ASXL3: variants seen among roughly 807,000 people sequenced by gnomAD.
ASXL3 encodes putative Polycomb group protein ASXL3.
In ASXL3, 34 loss-of-function variants were observed where a neutral mutation model predicts 170.6. The observed-to-expected ratio is 0.20, with a 90% CI of 0.15 to 0.27. The LOEUF is 0.27. Ranked by LOEUF, ASXL3 falls within the 10% of genes least tolerant of loss-of-function variation. ASXL3 has a pLI of 1.00. For synonymous variants in ASXL3, 1,002 were observed against 989.1 expected, an observed-to-expected ratio of 1.01 and a Z score of -0.24; for missense variants, 2,592 against 2,695.3, an observed-to-expected ratio of 0.96 and a Z score of 0.85.
intron 1 of ASXL3, among the ~76,000 whole-genome samples, chr18:33,584,596 T>C (rs2065020411): frequency 6.6e-6 from 1 of 152,124 alleles, no homozygotes; most frequent in Admixed American, 6.5e-5. Context: ...TTTAATTCTG[T>C]CTCATGTTCT....
intron 2 of ASXL3, among the ~76,000 whole-genome samples, chr18:33,627,787 T>C (rs2065623773): frequency 1.3e-5 from 2 of 152,298 alleles, no homozygotes; most frequent in African/African-American, 4.8e-5. Flanking sequence ...TTTAAATTTT[T>C]ACAAGGAATA....
intron 2 of ASXL3, among the ~76,000 whole-genome samples, chr18:33,613,612 A>G (rs572657421): frequency 6.6e-6 from 1 of 152,116 alleles, no homozygotes; most frequent in Non-Finnish European, 1.5e-5. Context: ...AACACTGTAC[A>G]TACCTTAATT....
At chr18:33,712,117 G>GT (rs1230377749) in intron 8 of ASXL3, among the ~76,000 whole-genome samples, 1 of 152,116 alleles carries the variant, frequency 6.6e-6, no homozygotes, top group Admixed American at 6.6e-5. Flanking sequence ...TGATGCTCCA[G>GT]TTGCTATTAT....
chr18:33,672,735 A>C (rs931057970), intron 7 of ASXL3, among the ~76,000 whole-genome samples: 7 of 152,196 alleles, frequency 4.6e-5, no homozygotes, highest in African/African-American at 1.7e-4. Context: ...ACTTGAGATA[A>C]TTCTTATTTG....
intron 1 of ASXL3, chr18:33,578,989 C>T (rs150874389): frequency 1.6e-3 from 286 of 174,964 alleles, no homozygotes; most frequent in African/African-American, 6.4e-3. Flanking sequence ...TTTCCGAGCG[C>T]TCGGCGCAGC....
In ASXL3 at chr18:33,738,792, G is replaced by A; in HGVS notation, c.1388G>A (p.Cys463Tyr). 1 of 1,613,742 alleles carries A rather than the reference G, an allele frequency of 6.2e-7. No homozygotes were observed. Among genetic ancestry groups the A allele is most frequent in the East Asian group, 2.2e-5 (1 of 44,882 alleles). Residue 463 changes from cysteine (C) to tyrosine (Y), a missense_variant, in exon 11 of 12, where the codon TGT (cysteine) becomes TAT (tyrosine). Physicochemically the swap from Cys to Tyr is radical, Grantham distance 194. Transcript: ENST00000269197. ...EIAEEVETSI[C>Y]ECQDENHKTI... is the part of the protein sequence containing the mutation. ...GCAGAAGAGGTAGAGACTAGTATCT[G>A]TGAATGCCAGGATGAAAATCATAAG...
chr18:33,654,475 C>T (rs2066050755), intron 4 of ASXL3, among the ~76,000 whole-genome samples: 1 of 152,074 alleles, frequency 6.6e-6, no homozygotes, highest in African/African-American at 2.4e-5. Context: ...TAACCTGATT[C>T]CCCTTTATCG....
In ASXL3 at chr18:33,746,126, G is replaced by C; in HGVS notation, c.6278G>C (p.Ser2093Thr). 6.2e-7 allele frequency: 1 copy of C among 1,613,810 alleles called. No homozygotes were observed. Among genetic ancestry groups the C allele is most frequent in the Non-Finnish European group, 8.5e-7 (1 of 1,179,896 alleles). Residue 2093 changes from serine (S) to threonine (T), a missense_variant, in exon 12 of 12, where the codon AGC becomes ACC. Physicochemically the swap from Ser to Thr is moderately conservative, Grantham distance 58 (BLOSUM62 1). Around this residue, in one of 4 missense-constraint regions of ASXL3, gnomAD observed 2,246 missense variants for 2,219.6 expected, o/e 1.01. Coordinates refer to ENST00000269197, the MANE Select transcript of ASXL3 (RefSeq NM_030632.3). ...TCTTTTGAGGAAGGTTTAAGCAGCA[G>C]CTGTGAACTGGGCATGAAACAAGTT... ...PLSFEEGLSS[S>T]CELGMKQVSY...
chr18:33,631,595 G>C (rs2145172899), intron 2 of ASXL3, among the ~76,000 whole-genome samples: 1 of 152,156 alleles, frequency 6.6e-6, no homozygotes, highest in Non-Finnish European at 1.5e-5. Flanking sequence ...TATGCATTAA[G>C]ATATTCATAG....
At position 33,745,163 on chromosome 18, in the gene ASXL3, A is replaced by G. The variant is rs2067756324; in HGVS notation, c.5315A>G (p.Lys1772Arg). The G allele has an allele frequency of 6.2e-7, 1 of 1,613,994 alleles. No homozygotes were observed. The highest frequency in any genetic ancestry group is 8.5e-7 in the Non-Finnish European group (1 of 1,179,886). ...KVLPQPRLGA[K>R]LEINRLPLPL... The stretch of plus-strand genomic sequence containing the variant: ...TTGCCACAGCCCAGATTGGGAGCCA[A>G]GCTTGAAATCAACAGGCTTCCATTG... Residue 1772 changes from lysine to arginine, a missense_variant, in exon 12 of 12, where the codon AAG (lysine) becomes AGG (arginine). Physicochemically the swap from Lys to Arg is conservative, Grantham distance 26 (BLOSUM62 2). Around this residue, in one of 4 missense-constraint regions of ASXL3, gnomAD observed 2,246 missense variants for 2,219.6 expected, o/e 1.01. Coordinates refer to ENST00000269197, the MANE Select transcript of ASXL3 (RefSeq NM_030632.3).
intron 8 of ASXL3, among the ~76,000 whole-genome samples, chr18:33,729,627 GA>G (rs1459514615): frequency 9.2e-5 from 14 of 152,020 alleles, no homozygotes; most frequent in Admixed American, 9.2e-4. Context: ...TGGAAAGAAG[GA>G]AAAAATGAAA....
chr18:33,643,812 A>G (rs1941706), intron 2 of ASXL3, among the ~76,000 whole-genome samples: 68,095 of 151,608 alleles, frequency 0.45, 16,032 homozygotes, highest in East Asian at 0.79. Flanking sequence ...TGAAAGCTTC[A>G]TATCCTAAAG....
At chr18:33,619,446 GAAA>G (rs56663499) in intron 2 of ASXL3, among the ~76,000 whole-genome samples, 2,819 of 139,754 alleles carry the variant, frequency 0.02, 101 homozygotes, top group African/African-American at 0.066. Context: ...TTTGAAGACT[GAAA>G]AAAAAAAAAA....
intron 2 of ASXL3, among the ~76,000 whole-genome samples, chr18:33,642,966 G>C (rs1267818021): frequency 5.3e-5 from 8 of 151,814 alleles, no homozygotes; most frequent in Non-Finnish European, 1.0e-4. Flanking sequence ...ATAAAGAGAA[G>C]AAACAGCATT....
At chr18:33,604,125 A>G (rs548929604) in intron 1 of ASXL3, among the ~76,000 whole-genome samples, 2 of 152,196 alleles carry the variant, frequency 1.3e-5, no homozygotes, top group South Asian at 4.1e-4. Context: ...AATGTAGGAA[A>G]GATAAAGCAT....
At chr18:33,713,964 A>C (rs1435459515) in intron 8 of ASXL3, among the ~76,000 whole-genome samples, 1 of 152,174 alleles carries the variant, frequency 6.6e-6, no homozygotes, top group Non-Finnish European at 1.5e-5. Context: ...AAGTCATCAT[A>C]GTGGGTGTTT....
At chr18:33,718,144 A>G (rs1213117851) in intron 8 of ASXL3, among the ~76,000 whole-genome samples, 1 of 152,118 alleles carries the variant, frequency 6.6e-6, no homozygotes, top group East Asian at 1.9e-4. Flanking sequence ...TTCCTTCAAC[A>G]TTAATTAAGT....
At chr18:33,720,781 T>C (rs1357452718) in intron 8 of ASXL3, among the ~76,000 whole-genome samples, 2 of 152,166 alleles carry the variant, frequency 1.3e-5, no homozygotes, top group African/African-American at 4.8e-5. Flanking sequence ...TTGTTTTTAC[T>C]GATTTTGCCA....
chr18:33,621,244 C>T (rs2065508148), intron 2 of ASXL3, among the ~76,000 whole-genome samples: 1 of 152,106 alleles, frequency 6.6e-6, no homozygotes, highest in Admixed American at 6.6e-5. Context: ...TTTGACTCAT[C>T]TTTAAGCTTA....
Sources: allele counts gnomAD v4.1 joint callset (sites outside exome capture counted in the v4.1 genomes callset), GRCh38; gene constraint gnomAD v4.1.1; regional missense constraint gnomAD v4.1.1; transcripts MANE v1.5; gene names NCBI Gene and HGNC (gene_info 2026-07-23, HGNC 2026-07-21).